Variants in MYO10 observed in about 807,000 individuals in gnomAD.
MYO10 encodes the protein myosin X.
A neutral mutation model predicts 257.3 loss-of-function variants in MYO10; 133 were observed. That is an observed-to-expected ratio of 0.52 (90% CI 0.45 to 0.60). The LOEUF (loss-of-function observed/expected upper bound fraction) is 0.60, where lower values mean the gene tolerates loss of function less well. Ranked by LOEUF, MYO10 falls within the 20% of genes least tolerant of loss-of-function variation. The pLI is 0.00. For synonymous variants in MYO10, 1,104 were observed against 1,028.6 expected, an observed-to-expected ratio of 1.07 and a Z score of -1.40; for missense variants, 2,399 against 2,635.7, an observed-to-expected ratio of 0.91 and a Z score of 1.97.
intron 28 of MYO10, among the ~76,000 whole-genome samples, chr5:16,688,478 C>T (rs1444000196): frequency 2.6e-5 from 4 of 152,176 alleles, no homozygotes; most frequent in Admixed American, 2.6e-4. Flanking sequence ...AAGAGGCTCA[C>T]GCCTGTAATC....
intron 2 of MYO10, among the ~76,000 whole-genome samples, chr5:16,875,494 T>C (rs188821093): frequency 4.3e-4 from 65 of 152,332 alleles, no homozygotes; most frequent in Middle Eastern, 6.8e-3. Flanking sequence ...GGAACTAGAC[T>C]GGGTGTTGGT....
intron 19 of MYO10, chr5:16,713,185 G>T: frequency 2.2e-6 from 1 of 447,248 alleles, no homozygotes; most frequent in Non-Finnish European, 3.0e-6. Context: ...TATCTCTCAG[G>T]CTTTCCCTGT....
At chr5:16,747,734 C>G (rs565487635) in intron 19 of MYO10, among the ~76,000 whole-genome samples, 2 of 151,974 alleles carry the variant, frequency 1.3e-5, no homozygotes, top group African/African-American at 4.8e-5. Context: ...CTGGCTAACA[C>G]AGAGAAACCC....
intron 2 of MYO10, among the ~76,000 whole-genome samples, chr5:16,831,585 A>C (rs1267595144): frequency 6.6e-6 from 1 of 152,206 alleles, no homozygotes; most frequent in Non-Finnish European, 1.5e-5. Flanking sequence ...CCTGGATGAG[A>C]CTGGAGACTA....
At position 16,781,707 on chromosome 5, in the gene MYO10, T is replaced by C. The variant is rs1277900050; in HGVS notation, c.725A>G (p.Asp242Gly). The C allele has an allele frequency of 6.2e-7, 1 of 1,613,614 alleles. No individual in the cohort carries two copies. Among genetic ancestry groups the C allele is most frequent in the Admixed American group, 1.7e-5 (1 of 59,976 alleles). The change falls in exon 6 of 41, where the codon GAT becomes GGT. Residue 242 changes from aspartate (D) to glycine (G), a missense_variant and splice_region_variant. Physicochemically the swap from Asp to Gly is moderately conservative, Grantham distance 94 (BLOSUM62 -1). Around this residue, in one of 3 missense-constraint regions of MYO10, gnomAD observed 337 missense variants for 446.8 expected, o/e 0.75. Coordinates refer to ENST00000513610, the MANE Select transcript of MYO10 (RefSeq NM_012334.3). Reference protein sequence around the residue: ...KGNIQGGRIVDYLLEKNRVVR... With the variant: ...KGNIQGGRIVGYLLEKNRVVR... ...TAAAAATAAATGAAAGAGGATACAA[T>C]CTACAATTCTCCCGCCCTGAATATT... is the stretch of plus-strand genomic sequence containing the variant.
At chr5:16,718,353 C>T (rs562364853) in intron 19 of MYO10, among the ~76,000 whole-genome samples, 1 of 152,220 alleles carries the variant, frequency 6.6e-6, no homozygotes, top group East Asian at 1.9e-4. Context: ...CGGCGCAGGA[C>T]TGGCAGGCAG....
chr5:16,759,417 GT>G, intron 17 of MYO10, among the ~76,000 whole-genome samples: 1 of 152,178 alleles, frequency 6.6e-6, no homozygotes, highest in African/African-American at 2.4e-5. Flanking sequence ...TTGTTCTCGG[GT>G]GCTCTTTAAT....
chr5:16,885,192 CTTT>C (rs57492208), intron 1 of MYO10, among the ~76,000 whole-genome samples: 4 of 143,232 alleles, frequency 2.8e-5, no homozygotes, highest in Non-Finnish European at 6.1e-5. Flanking sequence ...GTCCACTCTG[CTTT>C]TTTTTTTTTT....
At chr5:16,678,019 C>T (rs927771744) in intron 33 of MYO10, among the ~76,000 whole-genome samples, 2 of 152,030 alleles carry the variant, frequency 1.3e-5, no homozygotes, top group Non-Finnish European at 2.9e-5. Context: ...CCTCAGCCTC[C>T]CAAAGTGCTC....
intron 37 of MYO10, among the ~76,000 whole-genome samples, chr5:16,672,447 G>A (rs1393555958): frequency 1.3e-5 from 2 of 152,122 alleles, no homozygotes; most frequent in African/African-American, 4.8e-5. Flanking sequence ...GTCCAACATG[G>A]AACTGAGAAA....
chr5:16,770,068 A>G (rs1463703318), intron 9 of MYO10, among the ~76,000 whole-genome samples: 1 of 152,064 alleles, frequency 6.6e-6, no homozygotes, highest in African/African-American at 2.4e-5. Flanking sequence ...ATGCCAAGCC[A>G]AGAATTTTAA....
chr5:16,783,744 C>CA, intron 4 of MYO10, among the ~76,000 whole-genome samples: 1 of 152,300 alleles, frequency 6.6e-6, no homozygotes, highest in East Asian at 1.9e-4. Flanking sequence ...TATGGTGCCT[C>CA]ACAGGGAAGG....
rs376857819 is a variant in MYO10, at chr5:16,783,483, C to T, written c.468-14G>A. The T allele has an allele frequency of 5.6e-5, 90 of 1,604,364 alleles. No homozygotes were observed. The highest frequency in any genetic ancestry group is 1.7e-4 in the African/African-American group (13 of 74,660). On this transcript the variant is annotated splice_polypyrimidine_tract_variant and intron_variant, in intron 4 of 40. Transcript: ENST00000513610. ...CCACTTTCACCACTGAAAGACAAAA[C>T]GGAAAAGTTTGTGCTTCTAACTATA...
At chr5:16,778,297 C>A (rs1741284104) in intron 9 of MYO10, among the ~76,000 whole-genome samples, 1 of 152,144 alleles carries the variant, frequency 6.6e-6, no homozygotes, top group African/African-American at 2.4e-5. Flanking sequence ...AAAGCCCTTG[C>A]AAGAGACCAT....
intron 33 of MYO10, among the ~76,000 whole-genome samples, chr5:16,677,049 T>C (rs757896501): frequency 6.6e-5 from 10 of 152,178 alleles, no homozygotes; most frequent in Non-Finnish European, 1.5e-5. Flanking sequence ...CGTGCCACCC[T>C]TGAAACCTAA....
At chr5:16,749,622 A>C (rs1740324505) in intron 19 of MYO10, among the ~76,000 whole-genome samples, 1 of 152,126 alleles carries the variant, frequency 6.6e-6, no homozygotes, top group Non-Finnish European at 1.5e-5. Flanking sequence ...TGAATCTTTG[A>C]GGGTATTGTT....
In MYO10 at chr5:16,854,388, T is replaced by C. The variant is rs1456021311; in HGVS notation, c.120+23221A>G. 2.0e-5 allele frequency among the ~76,000 whole-genome samples: 3 copies of C among 152,210 alleles called. No individual in the cohort carries two copies. In the East Asian group the frequency reaches 5.8e-4, roughly 29 times the overall value. On this transcript the variant is annotated intron_variant, in intron 2 of 40. Transcript: ENST00000513610. ...GCAATAAAAAAGAGTGAAGTGCTGG[T>C]ACATGCTGCACCATGGGTGACCCCT...
chr5:16,675,194 G>A (rs534756244), intron 34 of MYO10, 44 bp from the exon 35 acceptor site: 10 of 1,598,136 alleles, frequency 6.3e-6, no homozygotes, highest in East Asian at 2.2e-5. Context: ...GAGGGGTTCA[G>A]AATAGGGCAT....
intron 9 of MYO10, among the ~76,000 whole-genome samples, chr5:16,775,884 C>A (rs1741196586): frequency 6.8e-6 from 1 of 147,502 alleles, no homozygotes; most frequent in South Asian, 2.2e-4. Context: ...ATAGGCATGA[C>A]CCAATTCTTT....
Sources: gnomAD v4.1 joint callset for allele counts (sites outside exome capture counted in the v4.1 genomes callset) on GRCh38, gnomAD v4.1.1 for gene constraint, gnomAD v4.1.1 regional missense constraint, MANE v1.5 for transcripts, NCBI Gene and HGNC (gene_info 2026-07-23, HGNC 2026-07-21) for gene names.